PSMD8: variants seen among roughly 807,000 people sequenced by gnomAD.
The protein encoded by PSMD8 is proteasome 26S subunit, non-ATPase 8, also known as 26S proteasome non-ATPase regulatory subunit 8.
A neutral mutation model predicts 40.0 loss-of-function variants in PSMD8; 30 were observed. That is an observed-to-expected ratio of 0.75 (90% CI 0.56 to 1.02). PSMD8 has a LOEUF of 1.02. PSMD8 is among the 50% of genes least tolerant of loss of function. The pLI is 0.00. For missense variants in PSMD8, 461 were observed against 463.9 expected, an observed-to-expected ratio of 0.99 and a Z score of 0.06; for synonymous variants, 208 against 192.5, an observed-to-expected ratio of 1.08 and a Z score of -0.67.
At position 38,374,825 on chromosome 19, in the gene PSMD8, T is replaced by C; in HGVS notation, c.224T>C (p.Phe75Ser). The C allele has an allele frequency of 1.3e-6, 2 of 1,575,216 alleles. No homozygotes were observed. The highest frequency in any genetic ancestry group is 1.7e-6 in the Non-Finnish European group (2 of 1,167,880). ...AAAAVNGAAG[F>S]SSSGPAATSG... ...GCGGCGGTGAACGGGGCGGCAGGCTTCTCGAGCTCCGGGCCCGCGGCAACC... is the reference window on the plus strand; with the variant it reads ...GCGGCGGTGAACGGGGCGGCAGGCTCCTCGAGCTCCGGGCCCGCGGCAACC... The change falls in exon 1 of 7, where the codon TTC becomes TCC. Residue 75 changes from phenylalanine to serine, a missense_variant. Coordinates refer to ENST00000215071, the MANE Select transcript of PSMD8 (RefSeq NM_002812.5).
chr19:38,376,229 G>T lies in PSMD8; in HGVS notation c.430G>T (p.Ala144Ser), dbSNP rs747181732. ...TKLTKQQLIL[A>S]RDILEIGAQW... ...GCTGACCAAACAGCAGCTAATTCTG[G>T]CCCGTGAGTGTCACTGGGGTTGGTT... Residue 144 changes from alanine (A) to serine (S), a missense_variant, in exon 2 of 7, where the codon GCC (alanine) becomes TCC (serine). This residue lies in a region of PSMD8 where 236 missense variants were observed against 321.2 expected (regional missense o/e 0.73). Transcript: ENST00000215071. The T allele has an allele frequency of 1.3e-6, 2 of 1,598,878 alleles. No individual in the cohort carries two copies. The highest frequency in any genetic ancestry group is 1.7e-6 in the Non-Finnish European group (2 of 1,171,932).
chr19:38,374,815 G>GCCC lies in PSMD8; in HGVS notation c.215_216insCCC (p.Ala72_Ala73insPro). 1 of 1,574,452 alleles carries GCCC rather than the reference G, an allele frequency of 6.4e-7. No individual in the cohort carries two copies. The highest frequency in any genetic ancestry group is 8.6e-7 in the Non-Finnish European group (1 of 1,167,078). On this transcript the variant is annotated inframe_insertion, in exon 1 of 7. Transcript: ENST00000215071. ...GATGGCGGCCGCGGCGGTGAACGGG[G>GCCC]CGGCAGGCTTCTCGAGCTCCGGGCC...
At chr19:38,377,790 C>T (rs895689545) in intron 3 of PSMD8, among the ~76,000 whole-genome samples, 5 of 152,136 alleles carry the variant, frequency 3.3e-5, no homozygotes, top group Non-Finnish European at 2.9e-5. Context: ...CAGGTGCCCA[C>T]GACCACGCCC....
rs201791526 is a variant in PSMD8, at chr19:38,378,780, C to T, written c.537-460C>T. Among the ~76,000 whole-genome samples the T allele has an allele frequency of 1.3e-4, 20 of 151,628 alleles. No homozygotes were observed. The East Asian group carries it at 2.0e-3, about 15-fold the overall frequency. On this transcript the variant is annotated intron_variant, in intron 3 of 6. Transcript: ENST00000215071. ...CAGCCTGGCCAGCATAGTGAAACCC[C>T]GTCTCTACTAAAAGTACAAAAAATT...
Position 38,381,168 on chromosome 19 carries a change from G to A in PSMD8, c.803+169G>A, listed in dbSNP as rs1289693326. The stretch of plus-strand genomic sequence containing the variant: ...TTTCAGTGAATTGGGCCTGGTCATG[G>A]GATTGTGGATAACGGCTCTCATCTC... On this transcript the variant is annotated intron_variant, in intron 5 of 6. Coordinates refer to ENST00000215071, the MANE Select transcript of PSMD8 (RefSeq NM_002812.5). 6 of 579,406 alleles carry A rather than the reference G, an allele frequency of 1.0e-5. No individual in the cohort carries two copies. The Admixed American group carries it at 2.1e-4, about 20-fold the overall frequency. The allele number at this position is 579,406 out of a possible 1,614,324, so 35.9% of individuals were successfully genotyped here. A position where few individuals can be genotyped will look rare whatever the true frequency, so the allele number is the denominator to read the frequency against.
rs1178220073 is a variant in PSMD8 at position 38,374,811 on chromosome 19, C to T, written c.210C>T (p.Asn70=). ...ASRKMAAAAV[N]GAAGFSSSGP... is the part of the protein sequence containing the mutation. The stretch of plus-strand genomic sequence containing the variant: ...GCAAGATGGCGGCCGCGGCGGTGAA[C>T]GGGGCGGCAGGCTTCTCGAGCTCCG... Residue 70 remains asparagine (N), a synonymous_variant, in exon 1 of 7, where the codon AAC becomes AAT. Coordinates refer to ENST00000215071, the MANE Select transcript of PSMD8 (RefSeq NM_002812.5). 4 of 1,573,172 alleles carry T rather than the reference C, an allele frequency of 2.5e-6. No individual in the cohort carries two copies. The Admixed American group carries it at 7.2e-5, about 28-fold the overall frequency.
chr19:38,382,501 A>G (rs1970649830), intron 6 of PSMD8: 3 of 561,718 alleles, frequency 5.3e-6, no homozygotes. Context: ...TAGAGGTGGC[A>G]GCTTTTTCTG....
chr19:38,379,230 A>G lies in PSMD8; in HGVS notation c.537-10A>G. 1 of 1,612,574 alleles carries G rather than the reference A, an allele frequency of 6.2e-7. No individual in the cohort carries two copies. The highest frequency in any genetic ancestry group is 8.5e-7 in the Non-Finnish European group (1 of 1,179,614). On this transcript the variant is annotated splice_polypyrimidine_tract_variant and intron_variant, in intron 3 of 6. Transcript: ENST00000215071. ...CCTCCTTAACCTGCTTCCCCATCCC[A>G]CGTCCACAGGGAGCAGCTCCCCGAG...
In PSMD8 at chr19:38,383,702, T is replaced by G. The variant is rs1970663305; in HGVS notation, c.*312T>G. The G allele has an allele frequency of 5.0e-6, 2 of 398,342 alleles. No individual in the cohort carries two copies. Among genetic ancestry groups the G allele is most frequent in the Non-Finnish European group, 9.3e-6 (2 of 213,942 alleles). 24.7% of individuals were successfully genotyped at this position (398,342 alleles called of 1,614,324 possible). ...GCATGGCCCCAGGTAGGGGGACTGTTCTAGCCAGCTGTGGACACATAGGAA... is the reference window on the plus strand; with the variant it reads ...GCATGGCCCCAGGTAGGGGGACTGTGCTAGCCAGCTGTGGACACATAGGAA... On this transcript the variant is annotated 3_prime_UTR_variant, in exon 7 of 7. Transcript: ENST00000215071.
intron 3 of PSMD8, among the ~76,000 whole-genome samples, chr19:38,377,040 CTGAA>C (rs1970603746): frequency 6.6e-6 from 1 of 152,246 alleles, no homozygotes; most frequent in African/African-American, 2.4e-5. Context: ...GAATATAAAA[CTGAA>C]TGATACCTGC....
At chr19:38,376,594 G>A (rs1158989201) in intron 3 of PSMD8, 140 bp downstream of exon 3, 2 of 774,006 alleles carry the variant, frequency 2.6e-6, no homozygotes, top group South Asian at 1.8e-5. Flanking sequence ...TGCAGGGTCA[G>A]GGCTTGGCTT....
Position 38,376,339 on chromosome 19 carries a change from C to G in PSMD8, c.434-13C>G. 1.3e-6 allele frequency: 2 copies of G among 1,544,360 alleles called. No homozygotes were observed. The highest frequency in any genetic ancestry group is 2.4e-5 in the East Asian group (1 of 40,924). ...CTCAGTCACCTCCTGAGAGCTCACT[C>G]TGTCACCCACAGGTGACATACTGGA... On this transcript the variant is annotated splice_polypyrimidine_tract_variant and intron_variant, in intron 2 of 6. Transcript: ENST00000215071.
intron 6 of PSMD8, chr19:38,382,982 T>C: frequency 2.4e-6 from 1 of 422,902 alleles, no homozygotes; most frequent in Non-Finnish European, 4.3e-6. Flanking sequence ...AACTGATCTG[T>C]CACTCAGGCC....
chr19:38,383,576 T>C lies in PSMD8; in HGVS notation c.*186T>C. The C allele has an allele frequency of 1.3e-6, 1 of 754,498 alleles. No homozygotes were observed. The highest frequency in any genetic ancestry group is 2.1e-6 in the Non-Finnish European group (1 of 476,628). The allele number at this position is 754,498 out of a possible 1,614,324, so 46.7% of individuals were successfully genotyped here. A position where few individuals can be genotyped will look rare whatever the true frequency, so the allele number is the denominator to read the frequency against. ...TTTTGGGGCATTCAGGAGTTGGAGA[T>C]AGCCTCCAACTGGGTCAGCCTCTGT... On this transcript the variant is annotated 3_prime_UTR_variant, in exon 7 of 7. Transcript: ENST00000215071.
chr19:38,382,760 A>G, intron 6 of PSMD8: 1 of 178,270 alleles, frequency 5.6e-6, no homozygotes, highest in Non-Finnish European at 1.2e-5. Context: ...ATACAAAAAA[A>G]ATTAGCCGGA....
intron 3 of PSMD8, among the ~76,000 whole-genome samples, chr19:38,377,620 C>T (rs1221555935): frequency 6.6e-6 from 1 of 152,136 alleles, no homozygotes; most frequent in Non-Finnish European, 1.5e-5. Flanking sequence ...CCTCAGTCTC[C>T]CAAGTAGCTG....
chr19:38,383,205 G>A (rs1970657655), intron 6 of PSMD8, 48 bp from the exon 7 acceptor site: 1 of 1,610,686 alleles, frequency 6.2e-7, no homozygotes, highest in Non-Finnish European at 8.5e-7. Flanking sequence ...GGTGGGGATG[G>A]AGCCTTTGTG....
chr19:38,375,152 A>G (rs1346719950), intron 1 of PSMD8, 191 bp downstream of exon 1: 3 of 975,878 alleles, frequency 3.1e-6, no homozygotes, highest in South Asian at 3.4e-5. Flanking sequence ...AAGAAGCGAG[A>G]GAGGGACAGG....
At chr19:38,379,134 T>C in intron 3 of PSMD8, 106 bp from the exon 4 acceptor site, 1 of 1,195,334 alleles carries the variant, frequency 8.4e-7, no homozygotes, top group East Asian at 2.6e-5. Context: ...CTGATACCTC[T>C]TCAGGAAGAT....
Sources: allele counts gnomAD v4.1 joint callset (sites outside exome capture counted in the v4.1 genomes callset), GRCh38; gene constraint gnomAD v4.1.1; regional missense constraint gnomAD v4.1.1; transcripts MANE v1.5; gene names NCBI Gene and HGNC (gene_info 2026-07-23, HGNC 2026-07-21).